FAM171A1: variants seen among roughly 807,000 people sequenced by gnomAD.
FAM171A1 encodes protein FAM171A1.
FAM171A1 carries 23 observed loss-of-function variants against 74.9 expected under a neutral mutation model. That is an observed-to-expected ratio of 0.31 (90% confidence interval 0.22 to 0.44). The LOEUF is 0.44. Ranked by LOEUF, FAM171A1 falls within the 20% of genes least tolerant of loss-of-function variation. FAM171A1 has a pLI of 1.00. For missense variants in FAM171A1, 1,162 were observed against 1,159.2 expected, an observed-to-expected ratio of 1.00 and a Z score of -0.03; for synonymous variants, 527 against 505.7, an observed-to-expected ratio of 1.04 and a Z score of -0.57.
chr10:15,317,892 C>T (rs1835441557), intron 1 of FAM171A1, among the ~76,000 whole-genome samples: 1 of 151,174 alleles, frequency 6.6e-6, no homozygotes, highest in Non-Finnish European at 1.5e-5. Context: ...CTGGGCTCAA[C>T]CAATTCTCCT....
Position 15,283,748 on chromosome 10 carries a change from C to A in FAM171A1, c.325+130G>T, listed in dbSNP as rs971151762. ...TACAGGTGCACACTATGATGCCTGG[C>A]TAATTTTAAATTTTTTTGTAGAGAT... On this transcript the variant is annotated intron_variant, in intron 2 of 7. Transcript: ENST00000378116. 23 of 843,160 alleles carry A rather than the reference C, an allele frequency of 2.7e-5. No homozygotes were observed. The Admixed American group carries it at 4.5e-4, about 16-fold the overall frequency. 52.2% of individuals were successfully genotyped at this position (843,160 alleles called of 1,614,324 possible).
At chr10:15,367,629 T>G (rs1396957297) in intron 1 of FAM171A1, among the ~76,000 whole-genome samples, 2 of 152,236 alleles carry the variant, frequency 1.3e-5, no homozygotes, top group African/African-American at 4.8e-5. Flanking sequence ...GATCCCAGTG[T>G]TCTAATAACT....
At chr10:15,300,547 A>C (rs1420994555) in intron 1 of FAM171A1, among the ~76,000 whole-genome samples, 1 of 152,074 alleles carries the variant, frequency 6.6e-6, no homozygotes, top group Non-Finnish European at 1.5e-5. Context: ...GGTGAAACAA[A>C]ATCTCCAAAG....
Position 15,213,804 on chromosome 10 carries a change from G to A in FAM171A1, c.1784C>T (p.Ser595Phe), listed in dbSNP as rs751970732. Residue 595 changes from serine (S) to phenylalanine (F), a missense_variant, in exon 8 of 8, where the codon TCC (serine) becomes TTC (phenylalanine). Physicochemically the swap from Ser to Phe is radical, Grantham distance 155. Coordinates refer to ENST00000378116, the MANE Select transcript of FAM171A1 (RefSeq NM_001010924.2). This position sits in a 1 kb window ranked among gnomAD's most constrained non-coding sequence, Gnocchi z 6.8. The part of the protein sequence containing the change: ...AHYMKLPGDH[S>F]YVSQPLVVPA... ...GACGACGAGGGGCTGGCTGACATAG[G>A]AGTGGTCCCCGGGGAGTTTCATATA... 28 of 1,614,164 alleles carry A rather than the reference G, an allele frequency of 1.7e-5. No homozygotes were observed. The highest frequency in any genetic ancestry group is 2.3e-5 in the Non-Finnish European group (27 of 1,180,034).
intron 1 of FAM171A1, among the ~76,000 whole-genome samples, chr10:15,294,520 A>T (rs1044544965): frequency 6.6e-6 from 1 of 152,210 alleles, no homozygotes; most frequent in African/African-American, 2.4e-5. Flanking sequence ...GGAAGAAACG[A>T]GCGCTCAGGA....
At chr10:15,334,960 G>A (rs982705230) in intron 1 of FAM171A1, among the ~76,000 whole-genome samples, 1 of 152,140 alleles carries the variant, frequency 6.6e-6, no homozygotes, top group Admixed American at 6.6e-5. Context: ...TACACATAAA[G>A]GCCCAGTGCA....
rs767112266 is a variant in FAM171A1 at position 15,248,665 on chromosome 10, G to T, written c.728C>A (p.Ala243Glu). 1.9e-6 allele frequency: 3 copies of T among 1,609,988 alleles called. No homozygotes were observed. Among genetic ancestry groups the T allele is most frequent in the South Asian group, 1.1e-5 (1 of 90,204 alleles). ...CAGCTTCTGGTCAAACCGCCACGCC[G>T]CGACATAGGCATTGTGCCTCAGGCT... ...QSSLRHNAYVAAWRFDQKLGT... is the reference protein window; with the variant it reads ...QSSLRHNAYVEAWRFDQKLGT... The change falls in exon 5 of 8, where the codon GCG becomes GAG. Residue 243 changes from alanine to glutamate, a missense_variant. Transcript: ENST00000378116.
chr10:15,317,520 T>C (rs1198912303), intron 1 of FAM171A1, among the ~76,000 whole-genome samples: 4 of 151,720 alleles, frequency 2.6e-5, no homozygotes, highest in Non-Finnish European at 5.9e-5. Context: ...TCAGCCTCCC[T>C]ACTAGCTGGG....
rs762876031 is a variant in FAM171A1, at chr10:15,213,676, G to A, written c.1912C>T (p.Leu638=). 5.6e-6 allele frequency: 9 copies of A among 1,613,148 alleles called. No individual in the cohort carries two copies. Among genetic ancestry groups the A allele is most frequent in the African/African-American group, 4.0e-5 (3 of 74,932 alleles). ...TGCTGAGAGATGGCCTGGGAAGACAGGGGCTGGGGCTGGATCTGTGAGGAC... is the reference window on the plus strand; with the variant it reads ...TGCTGAGAGATGGCCTGGGAAGACAAGGGCTGGGGCTGGATCTGTGAGGAC... The part of the protein sequence containing the change: ...HPSSQIQPQP[L]SSQAISQQHL... Residue 638 remains leucine, a synonymous_variant, in exon 8 of 8, where the codon CTG becomes TTG. Coordinates refer to ENST00000378116, the MANE Select transcript of FAM171A1 (RefSeq NM_001010924.2). The surrounding 1 kb of genome is among the most constrained non-coding windows in gnomAD (Gnocchi z 6.8).
chr10:15,360,304 C>A (rs1297352646), intron 1 of FAM171A1, among the ~76,000 whole-genome samples: 1 of 152,216 alleles, frequency 6.6e-6, no homozygotes, highest in Non-Finnish European at 1.5e-5. Flanking sequence ...TATACCCAAG[C>A]TTCTGACCCA....
At chr10:15,295,176 G>A (rs935751694) in intron 1 of FAM171A1, among the ~76,000 whole-genome samples, 60 of 152,244 alleles carry the variant, frequency 3.9e-4, no homozygotes, top group African/African-American at 1.4e-3. Flanking sequence ...GACCTCAGGT[G>A]ATCCACCTGC....
Position 15,216,072 on chromosome 10 carries a change from C to T in FAM171A1, c.910G>A (p.Val304Met). The change falls in exon 7 of 8, where the codon GTG becomes ATG. Residue 304 changes from valine (V) to methionine (M), a missense_variant. Physicochemically the swap from Val to Met is conservative, Grantham distance 21 (BLOSUM62 1). Coordinates refer to ENST00000378116, the MANE Select transcript of FAM171A1 (RefSeq NM_001010924.2). ...VTQDITTYHT[V>M]FLLAILGGMA... is the part of the protein sequence containing the mutation. ...CCTCCTAAAATGGCCAAAAGAAACA[C>T]CGTGTGATACGTGGTAATGTCCTGT... 1 of 1,610,476 alleles carries T rather than the reference C, an allele frequency of 6.2e-7. No homozygotes were observed. Among genetic ancestry groups the T allele is most frequent in the Admixed American group, 1.7e-5 (1 of 58,824 alleles).
intron 1 of FAM171A1, among the ~76,000 whole-genome samples, chr10:15,299,946 A>G (rs1835208801): frequency 6.9e-6 from 1 of 145,698 alleles, no homozygotes; most frequent in Non-Finnish European, 1.5e-5. Flanking sequence ...TGGGCAACAG[A>G]GTGAGACTCC....
Position 15,259,846 on chromosome 10 carries a change from G to A in FAM171A1, c.419-4967C>T, listed in dbSNP as rs561339663. Among the ~76,000 whole-genome samples the A allele has an allele frequency of 1.1e-4, 16 of 151,436 alleles. No individual in the cohort carries two copies. The East Asian group carries it at 2.3e-3, about 22-fold the overall frequency. On this transcript the variant is annotated intron_variant, in intron 3 of 7. Coordinates refer to ENST00000378116, the MANE Select transcript of FAM171A1 (RefSeq NM_001010924.2). Reference sequence around the variant, plus strand: ...TCTTTCCTTTTTTTTTTTGAGACAGGGTCTTCACTTGCTCTGTCACCCAGG... The same window carrying A: ...TCTTTCCTTTTTTTTTTTGAGACAGAGTCTTCACTTGCTCTGTCACCCAGG...
intron 1 of FAM171A1, among the ~76,000 whole-genome samples, chr10:15,290,336 C>A (rs943958639): frequency 5.3e-5 from 8 of 152,180 alleles, no homozygotes; most frequent in Middle Eastern, 3.2e-3. Flanking sequence ...TTCCTTCCTG[C>A]CACAGCTTAT....
intron 4 of FAM171A1, among the ~76,000 whole-genome samples, chr10:15,249,965 G>T (rs1395751058): frequency 6.6e-6 from 1 of 152,182 alleles, no homozygotes; most frequent in East Asian, 1.9e-4. Context: ...AATTTAAGCT[G>T]CATTAAAATA....
At chr10:15,243,436 T>G (rs1282159111) in intron 5 of FAM171A1, among the ~76,000 whole-genome samples, 2 of 152,180 alleles carry the variant, frequency 1.3e-5, no homozygotes, top group East Asian at 3.9e-4. Context: ...GCCATGGACA[T>G]CAAAAACTTC....
At chr10:15,223,017 G>A (rs1834058788) in intron 5 of FAM171A1, among the ~76,000 whole-genome samples, 1 of 152,188 alleles carries the variant, frequency 6.6e-6, no homozygotes, top group South Asian at 2.1e-4. Flanking sequence ...ATTGTACAAG[G>A]GGAGCGACAA....
chr10:15,331,090 A>G (rs1265088410), intron 1 of FAM171A1, among the ~76,000 whole-genome samples: 1 of 152,016 alleles, frequency 6.6e-6, no homozygotes, highest in African/African-American at 2.4e-5. Flanking sequence ...GGGTTTCACT[A>G]TGTTGGCCAG....
Sources: gnomAD v4.1 joint callset for allele counts (sites outside exome capture counted in the v4.1 genomes callset) on GRCh38, gnomAD v4.1.1 for gene constraint, Gnocchi (gnomAD v3.1) non-coding constraint, MANE v1.5 for transcripts, NCBI Gene and HGNC (gene_info 2026-07-23, HGNC 2026-07-21) for gene names.